Variants in UBA6 observed in about 807,000 individuals in gnomAD.
UBA6 encodes ubiquitin-like modifier-activating enzyme 6.
UBA6 carries 87 observed loss-of-function variants against 148.3 expected under a neutral mutation model. The observed-to-expected ratio is 0.59, with a 90% CI of 0.49 to 0.70. The LOEUF (loss-of-function observed/expected upper bound fraction) is 0.70. Ranked by LOEUF, UBA6 falls within the 30% of genes least tolerant of loss-of-function variation. The pLI is 0.00. For synonymous variants in UBA6, 376 were observed against 401.0 expected (o/e 0.94, Z 0.75); for missense variants, 1,186 against 1,241.2 (o/e 0.96, Z 0.67).
At chr4:67,623,491 C>G (rs1215638204) in intron 30 of UBA6, among the ~76,000 whole-genome samples, 1 of 152,122 alleles carries the variant, frequency 6.6e-6, no homozygotes, top group African/African-American at 2.4e-5. Flanking sequence ...AGTGTTGTCT[C>G]TCTCTTTTTA....
intron 15 of UBA6, among the ~76,000 whole-genome samples, chr4:67,646,464 G>GT (rs1252058573): frequency 1.3e-5 from 2 of 152,120 alleles, no homozygotes; most frequent in Non-Finnish European, 2.9e-5. Context: ...GCAGATAGCA[G>GT]TTTTTTTCCA....
chr4:67,677,708 A>G lies in UBA6; in HGVS notation c.368T>C (p.Leu123Pro). The change falls in exon 6 of 33, where the codon CTT (leucine) becomes CCT (proline). Residue 123 changes from leucine (L) to proline (P), a missense_variant. By Grantham distance (98) the Leu-to-Pro change is moderately conservative. Transcript: ENST00000322244. ...TGGATTTAGTTCTGCAATATGTTTA[A>G]GTACAGCTTCAGCCCTAAAAAAATA... ...VNKRNRAEAV[L>P]KHIAELNPYV... 1 of 1,583,742 alleles carries G rather than the reference A, an allele frequency of 6.3e-7. No individual in the cohort carries two copies. Among genetic ancestry groups the G allele is most frequent in the Non-Finnish European group, 8.6e-7 (1 of 1,158,768 alleles).
rs750754020 is a variant in UBA6, at chr4:67,625,157, T to C, written c.2549A>G (p.Glu850Gly). The change falls in exon 29 of 33, where the codon GAA (glutamate) becomes GGA (glycine). Residue 850 changes from glutamate (E) to glycine (G), a missense_variant. Glu to Gly is a moderately conservative substitution (Grantham distance 98, BLOSUM62 -2). Transcript: ENST00000322244. ...SDLQMAVLSF[E>G]KDDDHNGHID... ...GTGTCCATTATGATCATCATCTTTT[T>C]CAAATGAAAGCACTGCCATCTGAAG... 1 of 1,611,180 alleles carries C rather than the reference T, an allele frequency of 6.2e-7. No individual in the cohort carries two copies. The highest frequency in any genetic ancestry group is 8.5e-7 in the Non-Finnish European group (1 of 1,178,486).
At chr4:67,644,593 T>TA (rs1729377686) in intron 17 of UBA6, 105 bp downstream of exon 17, 2 of 642,846 alleles carry the variant, frequency 3.1e-6, no homozygotes, top group Non-Finnish European at 5.5e-6. Context: ...AGTTTAATGC[T>TA]CTATTTTCAA....
chr4:67,673,210 C>T (rs530867457), intron 7 of UBA6, among the ~76,000 whole-genome samples: 27 of 152,004 alleles, frequency 1.8e-4, no homozygotes, highest in African/African-American at 6.5e-4. Context: ...GTCAGGAGTT[C>T]AAGACCAGCC....
intron 13 of UBA6, among the ~76,000 whole-genome samples, chr4:67,657,492 G>A (rs1205373397): frequency 2.0e-5 from 3 of 152,124 alleles, no homozygotes; most frequent in Non-Finnish European, 2.9e-5. Flanking sequence ...GCTGAAACTG[G>A]ATCCCTTCCT....
At chr4:67,662,849 C>T (rs547867399) in intron 12 of UBA6, 152 of 248,240 alleles carry the variant, frequency 6.1e-4, no homozygotes, top group Admixed American at 3.1e-3. Context: ...AAAAAAATTA[C>T]TATGTGTTAA....
Position 67,677,501 on chromosome 4 carries a change from T to G in UBA6, c.465+110A>C, listed in dbSNP as rs936481461. 1.6e-5 allele frequency: 8 copies of G among 502,368 alleles called. No individual in the cohort carries two copies. In the African/African-American group the frequency reaches 1.6e-4, roughly 10 times the overall value. The allele number at this position is 502,368 out of a possible 1,614,324, so 31.1% of individuals were successfully genotyped here. A position where few individuals can be genotyped will look rare whatever the true frequency, so the allele number is the denominator to read the frequency against. The stretch of plus-strand genomic sequence containing the variant: ...CTAATATGTCTTCTACCTTGAAATT[T>G]TTTTGTTCTGTTTCTCAATACACTA... On this transcript the variant is annotated intron_variant, in intron 6 of 32. Coordinates refer to ENST00000322244, the MANE Select transcript of UBA6 (RefSeq NM_018227.6).
At chr4:67,646,846 AAAG>A (rs1400916379) in intron 14 of UBA6, 55 bp from the exon 15 acceptor site, 5 of 1,155,438 alleles carry the variant, frequency 4.3e-6, no homozygotes, top group South Asian at 1.8e-5. Context: ...ATTACTATAA[AAAG>A]AAGCTCCTTT....
At chr4:67,635,007 CGTT>C (rs914660626) in intron 20 of UBA6, among the ~76,000 whole-genome samples, 1 of 152,028 alleles carries the variant, frequency 6.6e-6, no homozygotes, top group Non-Finnish European at 1.5e-5. Flanking sequence ...ATACCTAAGT[CGTT>C]TTTTGTGGAT....
chr4:67,654,111 C>A (rs755218994), intron 13 of UBA6, among the ~76,000 whole-genome samples: 1 of 152,194 alleles, frequency 6.6e-6, no homozygotes, highest in Non-Finnish European at 1.5e-5. Context: ...AGAAAACACT[C>A]TTCAGGGTAT....
In UBA6 at chr4:67,701,144, C is replaced by G; in HGVS notation, c.-25G>C. 2 of 1,608,952 alleles carry G rather than the reference C, an allele frequency of 1.2e-6. No homozygotes were observed. Among genetic ancestry groups the G allele is most frequent in the South Asian group, 1.1e-5 (1 of 90,966 alleles). ...TTGCCGCCTGAGACACCGCCGCCGG[C>G]TACTGGAAGGTAGGAAGGGGCGGGA... On this transcript the variant is annotated 5_prime_UTR_variant, in exon 1 of 33. Coordinates refer to ENST00000322244, the MANE Select transcript of UBA6 (RefSeq NM_018227.6).
At chr4:67,663,310 T>A in intron 11 of UBA6, 95 bp from the exon 12 acceptor site, 1 of 770,740 alleles carries the variant, frequency 1.3e-6, no homozygotes, top group Non-Finnish European at 2.1e-6. Context: ...TTAACCATCA[T>A]AATAAACACA....
intron 7 of UBA6, among the ~76,000 whole-genome samples, chr4:67,672,425 T>C (rs950496418): frequency 6.6e-6 from 1 of 152,198 alleles, no homozygotes; most frequent in Non-Finnish European, 1.5e-5. Context: ...AGTTCGAGTG[T>C]GCAGAACCAC....
chr4:67,644,665 T>G (rs775426449), intron 17 of UBA6, 33 bp downstream of exon 17: 1 of 1,250,126 alleles, frequency 8.0e-7, no homozygotes, highest in East Asian at 2.3e-5. Flanking sequence ...AACAGAAATA[T>G]AAACTTTTAA....
intron 7 of UBA6, 43 bp from the exon 8 acceptor site, chr4:67,670,635 A>G: frequency 6.8e-7 from 1 of 1,461,962 alleles, no homozygotes; most frequent in Non-Finnish European, 9.5e-7. Flanking sequence ...TTATATAAAG[A>G]AAAAAACACT....
At chr4:67,622,797 T>G in intron 32 of UBA6, 34 bp downstream of exon 32, 1 of 1,464,924 alleles carries the variant, frequency 6.8e-7, no homozygotes, top group Non-Finnish European at 9.4e-7. Flanking sequence ...ATTTAAATTC[T>G]TGTTAATCGC....
intron 9 of UBA6, among the ~76,000 whole-genome samples, chr4:67,665,559 C>T (rs967542520): frequency 8.0e-5 from 12 of 150,394 alleles, no homozygotes; most frequent in South Asian, 2.1e-4. Context: ...ATGAGGGCTA[C>T]TCATTATTAG....
At chr4:67,621,359 G>A (rs1728746030) in intron 32 of UBA6, among the ~76,000 whole-genome samples, 1 of 152,232 alleles carries the variant, frequency 6.6e-6, no homozygotes, top group South Asian at 2.1e-4. Context: ...CCATCATGCA[G>A]AGATTCATTT....
Sources: gnomAD v4.1 joint callset for allele counts (sites outside exome capture counted in the v4.1 genomes callset) on GRCh38, gnomAD v4.1.1 for gene constraint, MANE v1.5 for transcripts, NCBI Gene and HGNC (gene_info 2026-07-23, HGNC 2026-07-21) for gene names.